The following KSR2 variants were observed in gnomAD, a reference collection of about 807,000 sequenced individuals.
The protein encoded by KSR2 is kinase suppressor of ras 2.
In KSR2, 25 loss-of-function variants were observed where a neutral mutation model predicts 107.8. That is an observed-to-expected ratio of 0.23 (90% CI 0.17 to 0.32). KSR2 has a LOEUF of 0.32. Among genes scored for constraint, KSR2 ranks in the 10% least tolerant of loss-of-function variants. KSR2 has a pLI of 1.00. For synonymous variants in KSR2, 480 were observed against 507.0 expected (o/e 0.95, Z 0.71); for missense variants, 887 against 1,268.9 (o/e 0.70, Z 4.57).
chr12:117,650,602 T>C (rs1368283820), intron 5 of KSR2, among the ~76,000 whole-genome samples: 2 of 152,218 alleles, frequency 1.3e-5, no homozygotes, highest in Admixed American at 6.5e-5. Flanking sequence ...TGATAGTCCT[T>C]GGCATGAACT....
chr12:117,939,628 C>T (rs1895946188), intron 1 of KSR2, among the ~76,000 whole-genome samples: 1 of 152,136 alleles, frequency 6.6e-6, no homozygotes, highest in South Asian at 2.1e-4. Context: ...AGGAGAATCG[C>T]TTGAACCCAG....
intron 3 of KSR2, among the ~76,000 whole-genome samples, chr12:117,838,086 C>T (rs1276616938): frequency 1.3e-5 from 2 of 152,182 alleles, no homozygotes; most frequent in Admixed American, 6.5e-5. Context: ...CCAAAGACAA[C>T]GAGATGTGGT....
chr12:117,903,857 G>A (rs1209939453), intron 1 of KSR2, among the ~76,000 whole-genome samples: 2 of 152,076 alleles, frequency 1.3e-5, no homozygotes, highest in Non-Finnish European at 2.9e-5. Context: ...AAATTAGTTG[G>A]GCGTGATGGA....
rs376446302 is a variant in KSR2, at chr12:117,793,152, A to C, written c.473-31628T>G. Among the ~76,000 whole-genome samples, 119 of 135,790 alleles carry C rather than the reference A, an allele frequency of 8.8e-4. 2 individuals carry two copies. The South Asian group carries it at 0.029, about 33-fold the overall frequency. 89.1% of individuals were successfully genotyped at this position (135,790 alleles called of 152,430 possible). A position where few individuals can be genotyped will look rare whatever the true frequency, so the allele number is the denominator to read the frequency against. On this transcript the variant is annotated intron_variant, in intron 3 of 19. Transcript: ENST00000339824. ...CACACACACTAACATGCATATACCAATATGCACGCACACCAACATGTACAC... is the reference window on the plus strand; with the variant it reads ...CACACACACTAACATGCATATACCACTATGCACGCACACCAACATGTACAC...
At chr12:117,583,678 T>C (rs1879829213) in intron 5 of KSR2, among the ~76,000 whole-genome samples, 1 of 152,110 alleles carries the variant, frequency 6.6e-6, no homozygotes, top group Non-Finnish European at 1.5e-5. Flanking sequence ...GTGCACCAGG[T>C]CCCACCTCCG....
chr12:117,604,812 G>C (rs190352801), intron 5 of KSR2, among the ~76,000 whole-genome samples: 1 of 152,190 alleles, frequency 6.6e-6, no homozygotes, highest in African/African-American at 2.4e-5. Context: ...ACTGCAGCAA[G>C]TTGGAAACTA....
At chr12:117,902,660 G>T (rs576585930) in intron 1 of KSR2, among the ~76,000 whole-genome samples, 1 of 152,106 alleles carries the variant, frequency 6.6e-6, no homozygotes, top group South Asian at 2.1e-4. Flanking sequence ...GGGTTGATGG[G>T]TGCAGCAAAC....
intron 3 of KSR2, among the ~76,000 whole-genome samples, chr12:117,823,949 C>T (rs956844486): frequency 5.9e-5 from 9 of 152,122 alleles, no homozygotes; most frequent in African/African-American, 2.2e-4. Flanking sequence ...TGCCTGCAAC[C>T]CCAGGTTTAT....
chr12:117,582,441 G>A (rs367777047), intron 5 of KSR2, 82 bp from the exon 6 acceptor site: 6 of 1,023,884 alleles, frequency 5.9e-6, no homozygotes, highest in African/African-American at 1.6e-5. Context: ...GGAAAAGGGG[G>A]GCTCGTCACC....
At chr12:117,792,642 C>T (rs1256467220) in intron 3 of KSR2, among the ~76,000 whole-genome samples, 1 of 152,226 alleles carries the variant, frequency 6.6e-6, no homozygotes, top group Admixed American at 6.5e-5. Flanking sequence ...CGGCCCCTGC[C>T]CTCTGCCTCT....
intron 3 of KSR2, among the ~76,000 whole-genome samples, chr12:117,849,093 A>G (rs193169753): frequency 6.6e-5 from 10 of 152,274 alleles, no homozygotes; most frequent in African/African-American, 2.4e-4. Context: ...ATACTCCTAG[A>G]AGATGATTGA....
intron 5 of KSR2, among the ~76,000 whole-genome samples, chr12:117,648,705 T>C (rs1009854461): frequency 4.6e-5 from 7 of 152,218 alleles, no homozygotes; most frequent in Admixed American, 6.5e-5. Context: ...CTTAGTGAGG[T>C]AGGTGCTTGT....
At chr12:117,818,026 A>G (rs374930009) in intron 3 of KSR2, among the ~76,000 whole-genome samples, 79 of 152,208 alleles carry the variant, frequency 5.2e-4, no homozygotes, top group African/African-American at 1.8e-3. Context: ...ACTTGAACCC[A>G]GGAGACAGAG....
At chr12:117,777,193 A>G (rs1013798290) in intron 3 of KSR2, among the ~76,000 whole-genome samples, 10 of 146,926 alleles carry the variant, frequency 6.8e-5, no homozygotes, top group African/African-American at 1.0e-4. Context: ...ATATATATAT[A>G]GTTGATTCAT....
intron 1 of KSR2, among the ~76,000 whole-genome samples, chr12:117,866,009 T>C (rs1893454037): frequency 6.6e-6 from 1 of 151,856 alleles, no homozygotes; most frequent in Non-Finnish European, 1.5e-5. Context: ...AACAACTCTC[T>C]AACCTCTGTA....
intron 4 of KSR2, among the ~76,000 whole-genome samples, chr12:117,731,758 CAT>C (rs1396457325): frequency 1.3e-5 from 2 of 152,008 alleles, no homozygotes; most frequent in African/African-American, 4.8e-5. Flanking sequence ...CTCTCTGAAA[CAT>C]GTGCTGTGTC....
In KSR2 at chr12:117,705,030, G is replaced by A. The variant is rs79844243; in HGVS notation, c.987-37372C>T. On this transcript the variant is annotated intron_variant, in intron 4 of 19. Transcript: ENST00000339824. ...TTATTAAGGGACGCCTTTGTGCCAG[G>A]CCCTGGGCTAGGATATGCCGGGATA... Among the ~76,000 whole-genome samples the A allele has an allele frequency of 1.2e-3, 188 of 152,248 alleles. 4 individuals are homozygous for A. In the East Asian group the frequency reaches 0.034, roughly 27 times the overall value.
rs1481158145 is a variant in KSR2, at chr12:117,855,583, A to C, written c.322-5T>G. 1 of 1,613,830 alleles carries C rather than the reference A, an allele frequency of 6.2e-7. No homozygotes were observed. On this transcript the variant is annotated splice_polypyrimidine_tract_variant and splice_region_variant and intron_variant, in intron 2 of 19. Coordinates refer to ENST00000339824, the MANE Select transcript of KSR2 (RefSeq NM_173598.6). Reference sequence around the variant, plus strand: ...CAGCTGGCCGGGGGAGATTTCCTAGAGGAGGGGAGAAGGATTGTCAACCGT... The same window carrying C: ...CAGCTGGCCGGGGGAGATTTCCTAGCGGAGGGGAGAAGGATTGTCAACCGT...
chr12:117,489,097 A>G (rs1032497539), intron 14 of KSR2, among the ~76,000 whole-genome samples: 9 of 152,136 alleles, frequency 5.9e-5, no homozygotes, highest in Admixed American at 5.9e-4. Flanking sequence ...TATAAAGTGC[A>G]TAAGCAAATG....
Sources: allele counts gnomAD v4.1 joint callset (sites outside exome capture counted in the v4.1 genomes callset), GRCh38; gene constraint gnomAD v4.1.1; transcripts MANE v1.5; gene names NCBI Gene and HGNC (gene_info 2026-07-23, HGNC 2026-07-21).